The following PCTP variants were observed in gnomAD, a reference collection of about 807,000 sequenced individuals.
PCTP encodes the protein START domain-containing protein 2.
Under a neutral mutation model 31.0 loss-of-function variants are expected in PCTP, and 27 were observed. The observed-to-expected ratio is 0.87, with a 90% CI of 0.64 to 1.20. PCTP has a LOEUF of 1.20. PCTP is among the 50% of genes most tolerant of loss of function. The pLI is 0.00. For synonymous variants in PCTP, 108 were observed against 101.2 expected, an observed-to-expected ratio of 1.07 and a Z score of -0.40; for missense variants, 287 against 268.2, an observed-to-expected ratio of 1.07 and a Z score of -0.49.
chr17:55,818,559 A>G (rs533684284), intron 3 of PCTP, among the ~76,000 whole-genome samples: 1 of 152,332 alleles, frequency 6.6e-6, no homozygotes, highest in South Asian at 2.1e-4. Flanking sequence ...ACAACTTCAT[A>G]GGGTTATTGT....
intron 5 of PCTP, among the ~76,000 whole-genome samples, chr17:55,829,689 AACAC>A (rs3083340): frequency 0.11 from 16,024 of 146,126 alleles, 968 homozygotes; most frequent in Middle Eastern, 0.19. Context: ...TAATAATTTA[AACAC>A]ACACACACAC....
chr17:55,850,770 A>G, the PCTP span, among the ~76,000 whole-genome samples: 1 of 152,260 alleles, frequency 6.6e-6, no homozygotes. Context: ...TCTCCTCTAT[A>G]AAAAAATCAC....
chr17:55,791,922 A>T (rs1404732965), intron 3 of PCTP, among the ~76,000 whole-genome samples: 15 of 152,126 alleles, frequency 9.9e-5, no homozygotes, highest in South Asian at 2.1e-4. Flanking sequence ...TCCAACAGTG[A>T]TAGACTGGCT....
At chr17:55,837,164 G>A (rs967135484) in intron 5 of PCTP, among the ~76,000 whole-genome samples, 4 of 152,196 alleles carry the variant, frequency 2.6e-5, no homozygotes, top group Admixed American at 1.3e-4. Context: ...GCTCACTCAA[G>A]GATGGAGGTG....
chr17:55,826,351 A>G (rs1006269653), downstream of PCTP, among the ~76,000 whole-genome samples: 1 of 152,098 alleles, frequency 6.6e-6, no homozygotes, highest in African/African-American at 2.4e-5. Context: ...CCATATCTAG[A>G]GCAGGGTTGC....
intron 5 of PCTP, among the ~76,000 whole-genome samples, chr17:55,828,420 T>C (rs1191361503): frequency 1.3e-5 from 2 of 152,176 alleles, no homozygotes; most frequent in Admixed American, 1.3e-4. Context: ...GCAGCATCAC[T>C]CCAACCTCTG....
At chr17:55,769,926 C>G (rs1910888793) in intron 2 of PCTP, 1 of 152,216 alleles carries the variant, frequency 6.6e-6, no homozygotes, top group Admixed American at 6.5e-5. Flanking sequence ...GTCCACCTCT[C>G]CCTTTCTTTT....
rs141260040 is a variant in PCTP, at chr17:55,837,113, A to G, written n.506-5614A>G. Among the ~76,000 whole-genome samples the G allele has an allele frequency of 9.8e-5, 15 of 152,304 alleles. No homozygotes were observed. The East Asian group carries it at 2.9e-3, about 29-fold the overall frequency. On this transcript the variant is annotated intron_variant and non_coding_transcript_variant, in intron 5 of 5. Coordinates refer to the PCTP transcript ENST00000576221. ...GGCATATCTGAGAAATGAAAGGATG[A>G]CAACATGGAGGCAGCAATGAGTAGA...
downstream of PCTP, among the ~76,000 whole-genome samples, chr17:55,779,162 G>T (rs1384690955): frequency 3.3e-5 from 5 of 152,306 alleles, no homozygotes; most frequent in East Asian, 9.6e-4. Flanking sequence ...TATTTCTCAA[G>T]AGGCTGGAGT....
chr17:55,817,016 A>G (rs1912941627), intron 3 of PCTP, among the ~76,000 whole-genome samples: 1 of 152,222 alleles, frequency 6.6e-6, no homozygotes, highest in African/African-American at 2.4e-5. Flanking sequence ...AGAATGTGAA[A>G]GCTGCAAGAA....
chr17:55,843,242 T>C (rs2145096841), downstream of PCTP, among the ~76,000 whole-genome samples: 1 of 152,334 alleles, frequency 6.6e-6, no homozygotes, highest in East Asian at 1.9e-4. Context: ...TCTTGTTTGT[T>C]TTCAGGTCTT....
chr17:55,815,386 GC>G (rs1912884831), intron 3 of PCTP, among the ~76,000 whole-genome samples: 1 of 152,154 alleles, frequency 6.6e-6, no homozygotes, highest in East Asian at 1.9e-4. Flanking sequence ...GATCACTTAA[GC>G]CTGAAATACA....
intron 3 of PCTP, among the ~76,000 whole-genome samples, chr17:55,790,513 GACAA>G (rs1417787342): frequency 3.4e-5 from 5 of 145,308 alleles, no homozygotes; most frequent in Admixed American, 6.9e-5. Context: ...ACCAACAACA[GACAA>G]ACAGAGAGCC....
chr17:55,767,522 AG>A (rs1910736546), intron 2 of PCTP, 70 bp downstream of exon 2: 1 of 1,067,020 alleles, frequency 9.4e-7, no homozygotes, highest in Non-Finnish European at 1.4e-6. Context: ...TGAAGTGCAA[AG>A]GTAGGATCTC....
chr17:55,804,429 G>A (rs1567726058), intron 3 of PCTP, among the ~76,000 whole-genome samples: 1 of 152,098 alleles, frequency 6.6e-6, no homozygotes, highest in Non-Finnish European at 1.5e-5. Flanking sequence ...ATTTATTGCA[G>A]CACTATCCAC....
intron 1 of PCTP, among the ~76,000 whole-genome samples, chr17:55,754,418 G>A (rs761531558): frequency 1.2e-4 from 18 of 152,308 alleles, no homozygotes; most frequent in Non-Finnish European, 1.5e-4. Context: ...TGCATAAGAT[G>A]AGATATGGGG....
chr17:55,755,186 C>T (rs1256729842), intron 1 of PCTP, among the ~76,000 whole-genome samples: 2 of 152,156 alleles, frequency 1.3e-5, no homozygotes, highest in South Asian at 2.1e-4. Context: ...AAGTTATGGG[C>T]GTCGGTTGGA....
intron 5 of PCTP, among the ~76,000 whole-genome samples, chr17:55,840,597 G>T (rs370249880): frequency 6.6e-6 from 1 of 152,142 alleles, no homozygotes; most frequent in Non-Finnish European, 1.5e-5. Flanking sequence ...GAGAGACAGC[G>T]CAAGAGTGAG....
chr17:55,835,149 G>T (rs1247910469), intron 5 of PCTP, among the ~76,000 whole-genome samples: 2 of 152,040 alleles, frequency 1.3e-5, no homozygotes, highest in Non-Finnish European at 2.9e-5. Context: ...GGCAAGGAGG[G>T]ATCCTCCCTT....
Sources: allele counts gnomAD v4.1 joint callset (sites outside exome capture counted in the v4.1 genomes callset), GRCh38; gene constraint gnomAD v4.1.1; transcripts MANE v1.5; gene names NCBI Gene and HGNC (gene_info 2026-07-23, HGNC 2026-07-21).